The following ECT2 variants were observed in gnomAD, a reference collection of about 807,000 sequenced individuals.
ECT2 encodes epithelial cell transforming 2.
ECT2 carries 61 observed loss-of-function variants against 116.9 expected under a neutral mutation model. The observed-to-expected ratio is 0.52, with a 90% CI of 0.42 to 0.65. The LOEUF (loss-of-function observed/expected upper bound fraction) is 0.65, where lower values mean the gene tolerates loss of function less well. ECT2 is among the 30% of genes least tolerant of loss of function. ECT2 has a pLI of 0.00. For missense variants in ECT2, 937 were observed against 1,078.7 expected (o/e 0.87, Z 1.84); for synonymous variants, 358 against 346.4 (o/e 1.03, Z -0.37).
chr3:172,810,000 A>G (rs1181939414), intron 22 of ECT2, among the ~76,000 whole-genome samples: 2 of 152,144 alleles, frequency 1.3e-5, no homozygotes, highest in South Asian at 4.1e-4. Flanking sequence ...TGAAGATCTT[A>G]TGTCTCAGAA....
Position 172,805,728 on chromosome 3 carries a change from CAGAT to C in ECT2, c.2107_2110del (p.Ile703GlnfsTer29), listed in dbSNP as rs1727560458. ...CTGATACTTTTTTATTTTCTATAAT[CAGAT>C]AGCAAGAAAACGGCACAAGGTTATT... On this transcript the variant is annotated splice_acceptor_variant and coding_sequence_variant, in exon 21 of 25. Transcript: ENST00000392692. LOFTEE classifies it high-confidence loss of function. The C allele has an allele frequency of 1.2e-6, 2 of 1,611,396 alleles. No individual in the cohort carries two copies. Among genetic ancestry groups the C allele is most frequent in the Non-Finnish European group, 1.7e-6 (2 of 1,179,106 alleles).
chr3:172,774,692 C>T (rs1721331290), intron 14 of ECT2, among the ~76,000 whole-genome samples: 1 of 151,510 alleles, frequency 6.6e-6, no homozygotes, highest in Non-Finnish European at 1.5e-5. Flanking sequence ...AGAGACAGGG[C>T]AGGGTCTTGC....
At chr3:172,754,697 A>AT in intron 2 of ECT2, 37 bp downstream of exon 2, 1 of 1,494,862 alleles carries the variant, frequency 6.7e-7, no homozygotes, top group Non-Finnish European at 9.1e-7. Flanking sequence ...ATCAATTTCT[A>AT]TTTTAATTCT....
At chr3:172,797,018 CTGTGTGTGTGTGTGTGTGTGTG>C (rs57188529) in intron 18 of ECT2, among the ~76,000 whole-genome samples, 4 of 139,032 alleles carry the variant, frequency 2.9e-5, no homozygotes, top group South Asian at 2.5e-4. Context: ...TCAGGTTCAA[CTGTGTGTGTGTGTGTGTGTGTG>C]TGTGTGTGTG....
intron 15 of ECT2, 40 bp from the exon 16 acceptor site, chr3:172,783,759 A>G: frequency 7.7e-7 from 1 of 1,306,978 alleles, no homozygotes; most frequent in Non-Finnish European, 1.1e-6. Flanking sequence ...AAGGGTGACA[A>G]ATGCATAATA....
At chr3:172,760,656 A>G (rs1718072970) in intron 7 of ECT2, among the ~76,000 whole-genome samples, 1 of 145,740 alleles carries the variant, frequency 6.9e-6, no homozygotes, top group Non-Finnish European at 1.5e-5. Flanking sequence ...GGGGGTTGGT[A>G]GATGAATAAC....
chr3:172,793,405 C>A (rs907309564), intron 18 of ECT2, among the ~76,000 whole-genome samples: 6 of 151,496 alleles, frequency 4.0e-5, no homozygotes, highest in African/African-American at 1.5e-4. Context: ...CCTCGTAATC[C>A]ACCTGCCAAA....
chr3:172,761,596 G>A lies in ECT2; in HGVS notation c.685-14G>A. ...ATTTAAGGAGAAAATTCACTGTAAT[G>A]TTTATATTTTTAGGTTGCTGTGAGT... On this transcript the variant is annotated splice_polypyrimidine_tract_variant and intron_variant, in intron 7 of 24. Transcript: ENST00000392692. The A allele has an allele frequency of 6.3e-7, 1 of 1,581,224 alleles. No homozygotes were observed. The highest frequency in any genetic ancestry group is 8.7e-7 in the Non-Finnish European group (1 of 1,151,804).
chr3:172,815,212 A>C (rs1459256330), intron 22 of ECT2, among the ~76,000 whole-genome samples: 1 of 152,196 alleles, frequency 6.6e-6, no homozygotes, highest in Non-Finnish European at 1.5e-5. Flanking sequence ...TTGAGGACAA[A>C]AGGGTAAAGT....
chr3:172,773,800 C>G, intron 13 of ECT2, 103 bp from the exon 14 acceptor site: 7 of 1,146,426 alleles, frequency 6.1e-6, no homozygotes, highest in Non-Finnish European at 6.1e-6. Flanking sequence ...TTTATTATTA[C>G]TTCCTTCTCT....
At position 172,774,814 on chromosome 3, in the gene ECT2, G is replaced by GT. The variant is rs570990110; in HGVS notation, c.1548+798dup. Among the ~76,000 whole-genome samples the GT allele has an allele frequency of 6.6e-5, 10 of 152,180 alleles. No individual in the cohort carries two copies. The East Asian group carries it at 1.7e-3, about 26-fold the overall frequency. On this transcript the variant is annotated intron_variant, in intron 14 of 24. Transcript: ENST00000392692. ...CCATTGCACCTAACCTTTGTTTGCTGTTTTTTATTTTCAGTTAATCCTACA... is the reference window on the plus strand; with the variant it reads ...CCATTGCACCTAACCTTTGTTTGCTGTTTTTTTATTTTCAGTTAATCCTACA...
At position 172,755,542 on chromosome 3, in the gene ECT2, G is replaced by A. The variant is rs1218863605; in HGVS notation, c.270G>A (p.Ser90=). 23 of 1,490,986 alleles carry A rather than the reference G, an allele frequency of 1.5e-5. No individual in the cohort carries two copies. The highest frequency in any genetic ancestry group is 2.1e-5 in the Admixed American group (1 of 46,696). The allele number at this position is 1,490,986 out of a possible 1,614,324, so 92.4% of individuals were successfully genotyped here. A position where few individuals can be genotyped will look rare whatever the true frequency, so the allele number is the denominator to read the frequency against. Residue 90 remains serine, a synonymous_variant, in exon 4 of 25, where the codon TCG becomes TCA. Coordinates refer to ENST00000392692, the MANE Select transcript of ECT2 (RefSeq NM_001258315.2). ...IKIKESCPGK[S]DEKLIKSVIN... is the part of the protein sequence containing the mutation. ...TAAAAGAAAGTTGTCCTGGAAAATC[G>A]GATGAAAAATTAATAAAAAGTGTTA...
intron 4 of ECT2, 89 bp from the exon 5 acceptor site, chr3:172,756,894 T>A: frequency 1.8e-6 from 2 of 1,106,726 alleles, no homozygotes; most frequent in Non-Finnish European, 2.6e-6. Flanking sequence ...AAGTTGATAT[T>A]GAATTGATTG....
intron 20 of ECT2, among the ~76,000 whole-genome samples, chr3:172,805,066 ACT>A: frequency 6.6e-6 from 1 of 152,082 alleles, no homozygotes; most frequent in South Asian, 2.1e-4. Flanking sequence ...AATAAACAAA[ACT>A]CTTAGTAAAT....
In ECT2 at chr3:172,758,945, A is replaced by G. The variant is rs752711236; in HGVS notation, c.487-35A>G. The G allele has an allele frequency of 4.2e-5, 64 of 1,509,246 alleles. No homozygotes were observed. The East Asian group carries it at 1.3e-3, about 32-fold the overall frequency. The allele number at this position is 1,509,246 out of a possible 1,614,324, so 93.5% of individuals were successfully genotyped here. On this transcript the variant is annotated intron_variant, in intron 5 of 24. Transcript: ENST00000392692. ...AGTTGTGTTGTATTTTCTACTAAAG[A>G]GAAAGCTCACATTTAAAATTGTTGT...
intron 1 of ECT2, chr3:172,752,454 C>T (rs1716075113): frequency 2.6e-5 from 4 of 151,916 alleles, no homozygotes; most frequent in Admixed American, 2.0e-4. Flanking sequence ...TGATTTTCCT[C>T]TTCCAGTCCT....
chr3:172,798,729 T>A (rs569218592), intron 18 of ECT2, among the ~76,000 whole-genome samples: 92 of 152,320 alleles, frequency 6.0e-4, no homozygotes, highest in African/African-American at 2.1e-3. Flanking sequence ...TTCTATTTGA[T>A]TCCTCCACAA....
At chr3:172,782,351 T>C (rs1455430705) in intron 15 of ECT2, 120 bp downstream of exon 15, 3 of 485,766 alleles carry the variant, frequency 6.2e-6, no homozygotes, top group Non-Finnish European at 1.1e-5. Flanking sequence ...TATGATTGTG[T>C]TTATAAAATA....
intron 21 of ECT2, 66 bp downstream of exon 21, chr3:172,805,935 C>T (rs1727608374): frequency 6.5e-7 from 1 of 1,529,648 alleles, no homozygotes; most frequent in African/African-American, 1.4e-5. Context: ...GTTTAATTTA[C>T]TCCATTTTGG....
Sources: allele counts gnomAD v4.1 joint callset (sites outside exome capture counted in the v4.1 genomes callset), GRCh38; gene constraint gnomAD v4.1.1; transcripts MANE v1.5; gene names NCBI Gene and HGNC (gene_info 2026-07-23, HGNC 2026-07-21).